The following RBM12 variants were observed in gnomAD, a reference collection of about 807,000 sequenced individuals.
RBM12 encodes the protein RNA-binding protein 12.
A neutral mutation model predicts 37.2 loss-of-function variants in RBM12; 24 were observed. The ratio of observed to expected loss-of-function variants is 0.65; its 90% CI spans 0.47 to 0.91. RBM12 has a LOEUF of 0.91. Among genes scored for constraint, RBM12 ranks in the 40% least tolerant of loss-of-function variants. The pLI, the probability that RBM12 is intolerant of heterozygous loss-of-function variation, is 0.00. For synonymous variants in RBM12, 420 were observed against 425.2 expected, an observed-to-expected ratio of 0.99 and a Z score of 0.15; for missense variants, 1,061 against 1,183.2, an observed-to-expected ratio of 0.90 and a Z score of 1.52.
chr20:35,657,859 A>G (rs1384872251), intron 2 of RBM12, among the ~76,000 whole-genome samples: 1 of 152,068 alleles, frequency 6.6e-6, no homozygotes, highest in African/African-American at 2.4e-5. Context: ...TCAGGAGTTC[A>G]AGACCAGCCT....
At chr20:35,657,777 G>A (rs576838674) in intron 2 of RBM12, among the ~76,000 whole-genome samples, 129 of 152,190 alleles carry the variant, frequency 8.5e-4, no homozygotes, top group Middle Eastern at 6.8e-3. Flanking sequence ...AATAATATCC[G>A]CAGCCAGGTG....
At position 35,654,722 on chromosome 20, in the gene RBM12, G is replaced by C. The variant is rs755691830; in HGVS notation, c.601C>G (p.Pro201Ala). 55 of 1,613,490 alleles carry C rather than the reference G, an allele frequency of 3.4e-5. No individual in the cohort carries two copies. Among genetic ancestry groups the C allele is most frequent in the Non-Finnish European group, 4.7e-5 (55 of 1,179,534 alleles). ...GGAATTGGGGGAATGGATGGCATTG[G>C]TGGCAGAGATGGCATCGCTGGAATT... ...PPIPAMPSLP[P>A]MPSIPPIPVP... Residue 201 changes from proline to alanine, a missense_variant, in exon 3 of 3, where the codon CCA becomes GCA. Transcript: ENST00000374114.
rs770310447 is a variant in RBM12 at position 35,654,238 on chromosome 20, C to T, written c.1085G>A (p.Arg362Gln). The T allele has an allele frequency of 6.2e-7, 1 of 1,614,176 alleles. No homozygotes were observed. The highest frequency in any genetic ancestry group is 2.2e-5 in the East Asian group (1 of 44,888). The change falls in exon 3 of 3, where the codon CGA becomes CAA. Residue 362 changes from arginine (R) to glutamine (Q), a missense_variant. By Grantham distance (43) the Arg-to-Gln change is conservative. This residue lies in a region of RBM12 where 540 missense variants were observed against 632.7 expected (regional missense o/e 0.85). Transcript: ENST00000374114. ...GCGTTGAATCATCAGCATTCTGTTT[C>T]GTTTCAAAGCTTCAAATGTATCTTG... The part of the protein sequence containing the change: ...SPQDTFEALK[R>Q]NRMLMIQRYV...
At position 35,653,054 on chromosome 20, in the gene RBM12, C is replaced by A; in HGVS notation, c.2269G>T (p.Val757Phe). The change falls in exon 3 of 3, where the codon GTT (valine) becomes TTT (phenylalanine). Residue 757 changes from valine to phenylalanine, a missense_variant. Coordinates refer to ENST00000374114, the MANE Select transcript of RBM12 (RefSeq NM_006047.6). ...AGACCAGGCAAACCACTGTTTCCAA[C>A]TGAAGGCATACCAGGCCTAGCATCA... ...FGDARPGMPSVGNSGLPGLGL... is the reference protein window; with the variant it reads ...FGDARPGMPSFGNSGLPGLGL... The A allele has an allele frequency of 1.2e-6, 2 of 1,613,966 alleles. No individual in the cohort carries two copies. Among genetic ancestry groups the A allele is most frequent in the Non-Finnish European group, 8.5e-7 (1 of 1,180,040 alleles).
rs200679488 is a variant in RBM12, at chr20:35,654,813, C to T, written c.510G>A (p.Thr170=). Residue 170 remains threonine, a synonymous_variant, in exon 3 of 3, where the codon ACG becomes ACA. Transcript: ENST00000374114. ...PNMGASFGSP[T]FSSTVPSTAS... ...CTGTGCTTGGAACAGTTGAGCTAAACGTTGGGCTCCCAAAGGAAGCCCCCA... is the reference window on the plus strand; with the variant it reads ...CTGTGCTTGGAACAGTTGAGCTAAATGTTGGGCTCCCAAAGGAAGCCCCCA... 1.6e-5 allele frequency: 26 copies of T among 1,614,068 alleles called. No homozygotes were observed. Among genetic ancestry groups the T allele is most frequent in the African/African-American group, 5.3e-5 (4 of 74,928 alleles).
intron 2 of RBM12, 150 bp from the exon 3 acceptor site, chr20:35,655,494 T>C (rs527533405): frequency 1.7e-5 from 12 of 713,618 alleles, no homozygotes; most frequent in African/African-American, 3.6e-5. Context: ...TTCTAAAAAC[T>C]GAACATTACG....
chr20:35,658,466 T>TA (rs2034031365), intron 2 of RBM12, among the ~76,000 whole-genome samples: 2 of 151,920 alleles, frequency 1.3e-5, no homozygotes, highest in African/African-American at 2.4e-5. Flanking sequence ...GATAAACTTG[T>TA]AAAAAACCAC....
Position 35,650,481 on chromosome 20 carries a change from A to C in RBM12, c.*2043T>G, listed in dbSNP as rs902452809. The C allele has an allele frequency of 1.3e-5, 2 of 152,638 alleles. No homozygotes were observed. Among genetic ancestry groups the C allele is most frequent in the African/African-American group, 4.8e-5 (2 of 41,464 alleles). The allele number at this position is 152,638 out of a possible 1,614,324, so 9.5% of individuals were successfully genotyped here. On this transcript the variant is annotated 3_prime_UTR_variant, in exon 3 of 3. Transcript: ENST00000374114. ...TATCTGTGGCTGAAATACAACTCTC[A>C]AGCAGTGCTGAAGTTTTTTGCATTG...
At position 35,649,551 on chromosome 20, in the gene RBM12, A is replaced by C. The variant is rs2033354207; in HGVS notation, c.*2973T>G. ...CTTGGAGTACAAAGCTAGGAACTACATTTCACTTAACACTGTTTCATTTTT... is the reference window on the plus strand; with the variant it reads ...CTTGGAGTACAAAGCTAGGAACTACCTTTCACTTAACACTGTTTCATTTTT... On this transcript the variant is annotated 3_prime_UTR_variant, in exon 3 of 3. Coordinates refer to ENST00000374114, the MANE Select transcript of RBM12 (RefSeq NM_006047.6). The C allele has an allele frequency of 6.6e-6, 1 of 152,650 alleles. No homozygotes were observed. Among genetic ancestry groups the C allele is most frequent in the Non-Finnish European group, 1.5e-5 (1 of 68,024 alleles). The allele number at this position is 152,650 out of a possible 1,614,324, so 9.5% of individuals were successfully genotyped here. A position where few individuals can be genotyped will look rare whatever the true frequency, so the allele number is the denominator to read the frequency against.
intron 2 of RBM12, among the ~76,000 whole-genome samples, chr20:35,657,497 ACAAT>A (rs1397582837): frequency 1.3e-5 from 2 of 152,234 alleles, no homozygotes; most frequent in Non-Finnish European, 2.9e-5. Flanking sequence ...TTGCACTGGG[ACAAT>A]CAAACAGAAA....
At chr20:35,659,270 G>T (rs759599192) in intron 1 of RBM12, among the ~76,000 whole-genome samples, 1 of 151,736 alleles carries the variant, frequency 6.6e-6, no homozygotes, top group Non-Finnish European at 1.5e-5. Flanking sequence ...GCCCAATAAC[G>T]AATCCACTGA....
intron 1 of RBM12, among the ~76,000 whole-genome samples, chr20:35,661,798 C>G (rs1036942435): frequency 3.9e-5 from 6 of 152,342 alleles, no homozygotes; most frequent in African/African-American, 1.4e-4. Context: ...CACTCTTCAT[C>G]TGGTAGTAAA....
In RBM12 at chr20:35,651,597, C is replaced by T. The variant is rs1030740252; in HGVS notation, c.*927G>A. 3.9e-5 allele frequency: 6 copies of T among 152,092 alleles called. No homozygotes were observed. Among genetic ancestry groups the T allele is most frequent in the African/African-American group, 7.2e-5 (3 of 41,384 alleles). 9.4% of individuals were successfully genotyped at this position (152,092 alleles called of 1,614,324 possible). On this transcript the variant is annotated 3_prime_UTR_variant, in exon 3 of 3. Transcript: ENST00000374114. The stretch of plus-strand genomic sequence containing the variant: ...TTTAAAGGCCAAAATTTCACATAAT[C>T]GGGACAGGAGGAAATTGATACTACA...
chr20:35,652,822 C>A lies in RBM12; in HGVS notation c.2501G>T (p.Gly834Val), dbSNP rs745961498. 5.0e-6 allele frequency: 8 copies of A among 1,596,240 alleles called. No homozygotes were observed. The highest frequency in any genetic ancestry group is 6.8e-6 in the Non-Finnish European group (8 of 1,170,732). The change falls in exon 3 of 3, where the codon GGC becomes GTC. Residue 834 changes from glycine (G) to valine (V), a missense_variant. Physicochemically the swap from Gly to Val is moderately radical, Grantham distance 109. Around this residue, in one of 3 missense-constraint regions of RBM12, gnomAD observed 517 missense variants for 534.0 expected, o/e 0.97. Transcript: ENST00000374114. Reference protein sequence around the residue: ...AFGPGPGPGPGPGPIHIGGPP... With the variant: ...AFGPGPGPGPVPGPIHIGGPP... Reference sequence around the variant, plus strand: ...ACCACCAATATGGATTGGGCCAGGGCCGGGGCCGGGGCCGGGGCCAGGCCC... The same window carrying A: ...ACCACCAATATGGATTGGGCCAGGGACGGGGCCGGGGCCGGGGCCAGGCCC...
At chr20:35,659,109 C>A in intron 1 of RBM12, 95 bp from the exon 2 acceptor site, 2 of 509,558 alleles carry the variant, frequency 3.9e-6, no homozygotes, top group Admixed American at 3.8e-5. Flanking sequence ...GAGTCTGAAA[C>A]CACCAGAGTA....
At position 35,655,215 on chromosome 20, in the gene RBM12, T is replaced by A; in HGVS notation, c.108A>T (p.Val36=). 6.2e-7 allele frequency: 1 copy of A among 1,614,032 alleles called. No homozygotes were observed. The highest frequency in any genetic ancestry group is 8.5e-7 in the Non-Finnish European group (1 of 1,180,010). Reference sequence around the variant, plus strand: ...TGAAAGCCTCACCCAGTTCACCCCCTACAATATGCACGCCCCCATCAGGAA... The same window carrying A: ...TGAAAGCCTCACCCAGTTCACCCCCAACAATATGCACGCCCCCATCAGGAA... The part of the protein sequence containing the change: ...LTIPDGGVHI[V]GGELGEAFIV... The change falls in exon 3 of 3, where the codon GTA becomes GTT. Residue 36 remains valine, a synonymous_variant. Transcript: ENST00000374114.
At position 35,651,621 on chromosome 20, in the gene RBM12, C is replaced by T. The variant is rs968210257; in HGVS notation, c.*903G>A. ...TCGGGACAGGAGGAAATTGATACTA[C>T]AATTAGTCCATATGAAAAGGACTTC... On this transcript the variant is annotated 3_prime_UTR_variant, in exon 3 of 3. Coordinates refer to ENST00000374114, the MANE Select transcript of RBM12 (RefSeq NM_006047.6). 6.6e-6 allele frequency: 1 copy of T among 151,066 alleles called. No individual in the cohort carries two copies. Among genetic ancestry groups the T allele is most frequent in the African/African-American group, 2.4e-5 (1 of 40,822 alleles). The allele number at this position is 151,066 out of a possible 1,614,324, so 9.4% of individuals were successfully genotyped here.
chr20:35,663,275 C>T (rs2034335914), intron 1 of RBM12, among the ~76,000 whole-genome samples: 1 of 152,190 alleles, frequency 6.6e-6, no homozygotes, highest in Admixed American at 6.5e-5. Flanking sequence ...AACAAGATTT[C>T]CCTATGTGTC....
At chr20:35,662,458 C>T (rs2034284417) in intron 1 of RBM12, among the ~76,000 whole-genome samples, 1 of 152,126 alleles carries the variant, frequency 6.6e-6, no homozygotes, top group Non-Finnish European at 1.5e-5. Flanking sequence ...TAGTTGAAAA[C>T]ATTTAACAAT....
Sources: gnomAD v4.1 joint callset for allele counts (sites outside exome capture counted in the v4.1 genomes callset) on GRCh38, gnomAD v4.1.1 for gene constraint, gnomAD v4.1.1 regional missense constraint, MANE v1.5 for transcripts, NCBI Gene and HGNC (gene_info 2026-07-23, HGNC 2026-07-21) for gene names.